KIAA0586: variants seen among roughly 807,000 people sequenced by gnomAD.
KIAA0586 encodes the protein KIAA0586, also known as protein TALPID3.
Under a neutral mutation model 169.8 loss-of-function variants are expected in KIAA0586, and 144 were observed. The ratio of observed to expected loss-of-function variants is 0.85; its 90% CI spans 0.74 to 0.97. The LOEUF (loss-of-function observed/expected upper bound fraction) is 0.97. KIAA0586 is among the 50% of genes least tolerant of loss of function. The pLI is 0.00. For missense variants in KIAA0586, 1,854 were observed against 1,823.0 expected (o/e 1.02, Z -0.31); for synonymous variants, 625 against 612.4 (o/e 1.02, Z -0.30).
intron 29 of KIAA0586, among the ~76,000 whole-genome samples, chr14:58,528,636 A>T (rs1173991305): frequency 6.6e-6 from 1 of 152,228 alleles, no homozygotes; most frequent in Non-Finnish European, 1.5e-5. Context: ...GACAGACATA[A>T]ATAAGTGCTT....
chr14:58,528,187 C>T (rs752422888), intron 29 of KIAA0586, among the ~76,000 whole-genome samples: 1 of 152,124 alleles, frequency 6.6e-6, no homozygotes, highest in Non-Finnish European at 1.5e-5. Flanking sequence ...AATACAGGAG[C>T]GTCCAGATTC....
chr14:58,499,858 C>CGA (rs1361560121), intron 27 of KIAA0586, among the ~76,000 whole-genome samples: 1 of 152,122 alleles, frequency 6.6e-6, no homozygotes, highest in African/African-American at 2.4e-5. Context: ...CATGCCCAGC[C>CGA]GATGCATTTA....
intron 8 of KIAA0586, among the ~76,000 whole-genome samples, chr14:58,451,070 G>A (rs961835449): frequency 6.8e-6 from 1 of 146,634 alleles, no homozygotes; most frequent in East Asian, 2.0e-4. Context: ...CTCACTGCAA[G>A]CTCCGCCTCC....
At chr14:58,467,224 T>G (rs2040838622) in intron 15 of KIAA0586, among the ~76,000 whole-genome samples, 1 of 152,216 alleles carries the variant, frequency 6.6e-6, no homozygotes, top group Non-Finnish European at 1.5e-5. Flanking sequence ...TATTCTCTCA[T>G]TTAATCCACC....
rs1595134089 is a variant in KIAA0586 at position 58,447,721 on chromosome 14, T to G, written c.808-619T>G. ...GCCTCGAACTCCTGACCTCAGGTGA[T>G]CCATTTGCCTTGGCCTCCCAAAGTG... On this transcript the variant is annotated intron_variant, in intron 6 of 30. Transcript: ENST00000652326. 2.6e-5 allele frequency among the ~76,000 whole-genome samples: 4 copies of G among 152,230 alleles called. No homozygotes were observed. In the East Asian group the frequency reaches 7.7e-4, roughly 29 times the overall value.
At chr14:58,478,626 C>T (rs2041825088) in intron 20 of KIAA0586, among the ~76,000 whole-genome samples, 1 of 152,114 alleles carries the variant, frequency 6.6e-6, no homozygotes, top group Admixed American at 6.5e-5. Context: ...GTCACCGCAC[C>T]TGGCCCAGTT....
At chr14:58,455,159 A>G (rs768126955) in intron 9 of KIAA0586, among the ~76,000 whole-genome samples, 6 of 152,156 alleles carry the variant, frequency 3.9e-5, no homozygotes, top group Non-Finnish European at 7.4e-5. Context: ...ATATTTTTCA[A>G]CTGCAGAATT....
At chr14:58,556,290 C>T (rs2047240220), downstream of KIAA0586, among the ~76,000 whole-genome samples, 1 of 152,224 alleles carries the variant, frequency 6.6e-6, no homozygotes. Context: ...TGTTAGGTAT[C>T]AACAGAGTAT....
intron 20 of KIAA0586, 85 bp from the exon 21 acceptor site, chr14:58,482,428 G>T: frequency 3.7e-6 from 4 of 1,091,500 alleles, no homozygotes; most frequent in Non-Finnish European, 4.9e-6. Flanking sequence ...TACGTCTCGA[G>T]AAAAATAATA....
chr14:58,512,724 C>T, intron 29 of KIAA0586, 97 bp downstream of exon 29: 1 of 678,696 alleles, frequency 1.5e-6, no homozygotes, highest in East Asian at 3.4e-5. Flanking sequence ...TCCCACTGCT[C>T]TCTAGGTTTT....
chr14:58,523,896 C>T (rs1305545613), intron 29 of KIAA0586, among the ~76,000 whole-genome samples: 2 of 151,952 alleles, frequency 1.3e-5, no homozygotes, highest in Admixed American at 1.3e-4. Flanking sequence ...ACAATGCCCT[C>T]CAAATTAACT....
chr14:58,504,817 G>A (rs1384013049), intron 27 of KIAA0586, among the ~76,000 whole-genome samples: 2 of 152,024 alleles, frequency 1.3e-5, no homozygotes, highest in African/African-American at 4.8e-5. Context: ...TTATCACTGG[G>A]TTAAATACCT....
At position 58,550,946 on chromosome 14, in the gene KIAA0586, T is replaced by G. The variant is rs2140169945; in HGVS notation, c.*3014T>G. On this transcript the variant is annotated 3_prime_UTR_variant, in exon 31 of 31. Transcript: ENST00000652326. Reference sequence around the variant, plus strand: ...GCTCACACCTGTAATCCCAGCACTTTGGGAGGCTGAGGCAGGCAGATCACC... The same window carrying G: ...GCTCACACCTGTAATCCCAGCACTTGGGGAGGCTGAGGCAGGCAGATCACC... 6.6e-6 allele frequency: 1 copy of G among 152,476 alleles called. No homozygotes were observed. Among genetic ancestry groups the G allele is most frequent in the South Asian group, 2.1e-4 (1 of 4,826 alleles). 9.4% of individuals were successfully genotyped at this position (152,476 alleles called of 1,614,324 possible).
At chr14:58,526,295 C>T (rs1420224007) in intron 29 of KIAA0586, among the ~76,000 whole-genome samples, 8 of 152,178 alleles carry the variant, frequency 5.3e-5, no homozygotes, top group African/African-American at 2.4e-5. Flanking sequence ...TGACAGACAC[C>T]TCATACAGGA....
chr14:58,546,699 C>T (rs1445115004), intron 30 of KIAA0586, among the ~76,000 whole-genome samples: 1 of 152,112 alleles, frequency 6.6e-6, no homozygotes, highest in Non-Finnish European at 1.5e-5. Context: ...TAGGCAGATA[C>T]ATACACTTAC....
At chr14:58,481,140 T>G (rs948169555) in intron 20 of KIAA0586, among the ~76,000 whole-genome samples, 35 of 152,368 alleles carry the variant, frequency 2.3e-4, no homozygotes, top group Middle Eastern at 3.4e-3. Context: ...TGCTGTTACT[T>G]ACCCCGTCAA....
intron 7 of KIAA0586, 129 bp from the exon 8 acceptor site, chr14:58,450,450 C>G (rs1028498275): frequency 1.5e-5 from 9 of 599,768 alleles, no homozygotes; most frequent in Admixed American, 3.2e-5. Flanking sequence ...AGTTATTTCT[C>G]TACACTTAAT....
intron 18 of KIAA0586, among the ~76,000 whole-genome samples, chr14:58,473,679 G>A (rs1313432524): frequency 6.6e-6 from 1 of 152,174 alleles, no homozygotes; most frequent in Non-Finnish European, 1.5e-5. Context: ...GCTGAGGCAG[G>A]TGGATTACCT....
rs1215690997 is a variant in KIAA0586, at chr14:58,547,780, G to A, written c.4496-1G>A. 6.2e-7 allele frequency: 1 copy of A among 1,612,986 alleles called. No homozygotes were observed. The highest frequency in any genetic ancestry group is 1.1e-5 in the South Asian group (1 of 90,984). ...GCTGAATGAGCTTCTCCTTTGTGCA[G>A]GTGGGAAAGCAGTGCCACTCTCCGC... On this transcript the variant is annotated splice_acceptor_variant, in intron 30 of 30. Transcript: ENST00000652326. LOFTEE classifies it high-confidence loss of function.
Sources: gnomAD v4.1 joint callset for allele counts (sites outside exome capture counted in the v4.1 genomes callset) on GRCh38, gnomAD v4.1.1 for gene constraint, MANE v1.5 for transcripts, NCBI Gene and HGNC (gene_info 2026-07-23, HGNC 2026-07-21) for gene names.